SSH1: variants seen among roughly 807,000 people sequenced by gnomAD.
SSH1 encodes slingshot protein phosphatase 1.
A neutral mutation model predicts 79.7 loss-of-function variants in SSH1; 43 were observed. The ratio of observed to expected loss-of-function variants is 0.54; its 90% CI spans 0.42 to 0.70. SSH1 has a LOEUF of 0.70. SSH1 is among the 30% of genes least tolerant of loss of function. SSH1 has a pLI of 0.00. For missense variants in SSH1, 1,206 were observed against 1,358.8 expected (o/e 0.89, Z 1.77); for synonymous variants, 599 against 538.3 (o/e 1.11, Z -1.56).
chr12:108,838,828 G>T (rs1410390589), intron 2 of SSH1, among the ~76,000 whole-genome samples: 1 of 152,186 alleles, frequency 6.6e-6, no homozygotes, highest in Non-Finnish European at 1.5e-5. Flanking sequence ...GATTGGTCTT[G>T]TTTCTCTCTT....
In SSH1 at chr12:108,784,519, G is replaced by A. The variant is rs960151125; in HGVS notation, c.*3469C>T. On this transcript the variant is annotated 3_prime_UTR_variant, in exon 15 of 15. Transcript: ENST00000326495. Reference sequence around the variant, plus strand: ...TCCCTGCATGGAGAGCAAGGAAGCAGGGAATGTAAAGAGAAATAAACTCTG... The same window carrying A: ...TCCCTGCATGGAGAGCAAGGAAGCAAGGAATGTAAAGAGAAATAAACTCTG... 6.6e-6 allele frequency: 1 copy of A among 152,234 alleles called. No homozygotes were observed. Among genetic ancestry groups the A allele is most frequent in the African/African-American group, 2.4e-5 (1 of 41,450 alleles). 9.4% of individuals were successfully genotyped at this position (152,234 alleles called of 1,614,324 possible). A position where few individuals can be genotyped will look rare whatever the true frequency, so the allele number is the denominator to read the frequency against.
chr12:108,840,450 T>C (rs556581662), intron 2 of SSH1, among the ~76,000 whole-genome samples: 1 of 152,074 alleles, frequency 6.6e-6, no homozygotes, highest in South Asian at 2.1e-4. Flanking sequence ...GGAGAATCAC[T>C]TGAACCCAGG....
chr12:108,801,407 G>C (rs929544240), intron 11 of SSH1, among the ~76,000 whole-genome samples: 39 of 152,186 alleles, frequency 2.6e-4, no homozygotes, highest in African/African-American at 9.4e-4. Flanking sequence ...TGCTAACCCA[G>C]GTTCTGTAGT....
intron 2 of SSH1, chr12:108,834,287 C>T (rs1179167469): frequency 6.6e-6 from 1 of 152,398 alleles, no homozygotes; most frequent in Non-Finnish European, 1.5e-5. Flanking sequence ...CTCCCATCTG[C>T]CTCCCGACGT....
chr12:108,810,471 G>A lies in SSH1; in HGVS notation c.471-713C>T, dbSNP rs181945702. On this transcript the variant is annotated intron_variant, in intron 6 of 14. Coordinates refer to ENST00000326495, the MANE Select transcript of SSH1 (RefSeq NM_018984.4). The stretch of plus-strand genomic sequence containing the variant: ...CAGGAAGTGGAGGTTGCAGTGAGCC[G>A]AGATCGTACCACTGCACTCCACCCA... Among the ~76,000 whole-genome samples, 421 of 152,020 alleles carry A rather than the reference G, an allele frequency of 2.8e-3. 2 individuals are homozygous for A. The highest frequency in any genetic ancestry group is 9.5e-3 in the African/African-American group (394 of 41,450).
At chr12:108,844,076 T>C (rs2038840476) in intron 2 of SSH1, among the ~76,000 whole-genome samples, 1 of 152,128 alleles carries the variant, frequency 6.6e-6, no homozygotes, top group Non-Finnish European at 1.5e-5. Flanking sequence ...GGGGCATTTG[T>C]TGAATGTCTA....
chr12:108,818,906 A>C (rs900960124), intron 3 of SSH1, among the ~76,000 whole-genome samples: 1 of 152,142 alleles, frequency 6.6e-6, no homozygotes, highest in Non-Finnish European at 1.5e-5. Flanking sequence ...GGTGCCCATC[A>C]CCAGACCCGG....
intron 6 of SSH1, among the ~76,000 whole-genome samples, chr12:108,810,531 A>G (rs1456028846): frequency 1.4e-5 from 2 of 143,736 alleles, no homozygotes; most frequent in African/African-American, 6.0e-5. Context: ...AAAAAAAGAG[A>G]AAAAAAAATT....
chr12:108,792,833 C>A lies in SSH1; in HGVS notation c.1350-4G>T, dbSNP rs767816791. 2 of 1,612,924 alleles carry A rather than the reference C, an allele frequency of 1.2e-6. No homozygotes were observed. The highest frequency in any genetic ancestry group is 1.7e-6 in the Non-Finnish European group (2 of 1,179,994). On this transcript the variant is annotated splice_region_variant and splice_polypyrimidine_tract_variant and intron_variant, in intron 13 of 14. Transcript: ENST00000326495. ...CAGCTTGTTGTGCCGCTGTTTGCTG[C>A]GGGGAGAGAGGGTAGAGGAAGGTGA...
intron 4 of SSH1, chr12:108,817,501 G>A: frequency 2.8e-6 from 1 of 351,234 alleles, no homozygotes; most frequent in Non-Finnish European, 5.6e-6. Context: ...CTTGAACCCG[G>A]GAAGCGGAGG....
chr12:108,794,209 GCTT>G (rs1439008372), intron 13 of SSH1, among the ~76,000 whole-genome samples: 2 of 152,240 alleles, frequency 1.3e-5, no homozygotes, highest in Admixed American at 1.3e-4. Flanking sequence ...AGGGAGGCCT[GCTT>G]CTTGTACAGA....
At chr12:108,799,707 A>C (rs1224699564) in intron 12 of SSH1, among the ~76,000 whole-genome samples, 1 of 152,222 alleles carries the variant, frequency 6.6e-6, no homozygotes, top group Non-Finnish European at 1.5e-5. Flanking sequence ...GATGCTCTTC[A>C]GACAGGAGGG....
chr12:108,796,380 G>C (rs2036753013), intron 13 of SSH1, among the ~76,000 whole-genome samples: 1 of 152,102 alleles, frequency 6.6e-6, no homozygotes. Flanking sequence ...TCCAGTCCCT[G>C]GCAACCACCA....
rs1485658563 is a variant in SSH1 at position 108,786,330 on chromosome 12, C to T, written c.*1658G>A. On this transcript the variant is annotated 3_prime_UTR_variant, in exon 15 of 15. Transcript: ENST00000326495. The stretch of plus-strand genomic sequence containing the variant: ...CATGTACGCAACCTACTCCATCCTG[C>T]ACAGGTGAGGCTAGTGCGGGGCTGG... 6.6e-6 allele frequency: 1 copy of T among 152,310 alleles called. No homozygotes were observed. Among genetic ancestry groups the T allele is most frequent in the Non-Finnish European group, 1.5e-5 (1 of 68,110 alleles). 9.4% of individuals were successfully genotyped at this position (152,310 alleles called of 1,614,324 possible).
At chr12:108,818,190 C>CGGGG in intron 4 of SSH1, 59 bp downstream of exon 4, 54 of 1,293,302 alleles carry the variant, frequency 4.2e-5, no homozygotes, top group Non-Finnish European at 5.6e-5. Flanking sequence ...AGAGCAAGAC[C>CGGGG]CTCATCTCAC....
chr12:108,841,812 C>CCA (rs2038784446), intron 2 of SSH1, among the ~76,000 whole-genome samples: 1 of 145,450 alleles, frequency 6.9e-6, no homozygotes, highest in Non-Finnish European at 1.5e-5. Flanking sequence ...CATCCCCCCC[C>CCA]ACAAAAAAAA....
Position 108,792,682 on chromosome 12 carries a change from G to A in SSH1, c.1497C>T (p.Ala499=). The part of the protein sequence containing the change: ...ESQLPFLDDA[A]QPGLGPPLPC... ...GGAGGGGGGGCCCTAAGCCGGGCTG[G>A]GCGGCATCATCCAAGAAGGGCAGCT... Residue 499 remains alanine (A), a synonymous_variant, in exon 14 of 15, where the codon GCC becomes GCT. Coordinates refer to ENST00000326495, the MANE Select transcript of SSH1 (RefSeq NM_018984.4). 6.2e-7 allele frequency: 1 copy of A among 1,612,646 alleles called. No individual in the cohort carries two copies. Among genetic ancestry groups the A allele is most frequent in the African/African-American group, 1.3e-5 (1 of 75,068 alleles).
chr12:108,828,418 C>T (rs1220407746), intron 2 of SSH1, among the ~76,000 whole-genome samples: 1 of 152,176 alleles, frequency 6.6e-6, no homozygotes, highest in Non-Finnish European at 1.5e-5. Context: ...AGCAGCTGTT[C>T]TACTCATCCA....
Position 108,787,745 on chromosome 12 carries a change from T to G in SSH1, c.*243A>C. On this transcript the variant is annotated 3_prime_UTR_variant, in exon 15 of 15. Transcript: ENST00000326495. The stretch of plus-strand genomic sequence containing the variant: ...TCTTGAAGACACGGTGGGAGCGGAG[T>G]TTTGTGTCTCCTGGCCGGCGGCTCC... The G allele has an allele frequency of 1.8e-6, 1 of 559,476 alleles. No individual in the cohort carries two copies. The highest frequency in any genetic ancestry group is 2.1e-5 in the South Asian group (1 of 48,332). The allele number at this position is 559,476 out of a possible 1,614,324, so 34.7% of individuals were successfully genotyped here.
Sources: gnomAD v4.1 joint callset for allele counts (sites outside exome capture counted in the v4.1 genomes callset) on GRCh38, gnomAD v4.1.1 for gene constraint, MANE v1.5 for transcripts, NCBI Gene and HGNC (gene_info 2026-07-23, HGNC 2026-07-21) for gene names.